PRKG1: variants seen among roughly 807,000 people sequenced by gnomAD.
PRKG1 encodes cGMP-dependent protein kinase 1.
In PRKG1, 35 loss-of-function variants were observed where a neutral mutation model predicts 88.1. The observed-to-expected ratio is 0.40, with a 90% CI of 0.30 to 0.53. PRKG1 has a LOEUF of 0.53. Among genes scored for constraint, PRKG1 ranks in the 20% least tolerant of loss-of-function variants. The probability of loss-of-function intolerance (pLI) is 0.59; values close to 1 mark genes in which losing one functional copy is unlikely to be tolerated. For synonymous variants in PRKG1, 303 were observed against 292.5 expected, an observed-to-expected ratio of 1.04 and a Z score of -0.37; for missense variants, 540 against 839.8, an observed-to-expected ratio of 0.64 and a Z score of 4.41.
At chr10:51,618,509 A>G (rs761175583) in intron 3 of PRKG1, among the ~76,000 whole-genome samples, 21 of 152,156 alleles carry the variant, frequency 1.4e-4, no homozygotes, top group Non-Finnish European at 2.8e-4. Flanking sequence ...TTCACTTAAT[A>G]TATACTAGCC....
At chr10:52,076,166 T>G (rs924321922) in intron 7 of PRKG1, among the ~76,000 whole-genome samples, 2 of 152,164 alleles carry the variant, frequency 1.3e-5, no homozygotes, top group Non-Finnish European at 2.9e-5. Context: ...TGGACCTAAA[T>G]GTGAGATCAA....
chr10:51,813,978 T>A (rs1839521756), intron 4 of PRKG1, among the ~76,000 whole-genome samples: 2 of 152,276 alleles, frequency 1.3e-5, no homozygotes, highest in South Asian at 2.1e-4. Context: ...TTTCAGTTGT[T>A]TGGAAACCCA....
intron 4 of PRKG1, among the ~76,000 whole-genome samples, chr10:51,832,971 T>A (rs1249900577): frequency 6.6e-6 from 1 of 152,180 alleles, no homozygotes; most frequent in Non-Finnish European, 1.5e-5. Flanking sequence ...CTTGCCTGGT[T>A]AATGTCGATT....
intron 5 of PRKG1, among the ~76,000 whole-genome samples, chr10:51,974,133 A>G (rs1843772770): frequency 2.0e-5 from 3 of 152,216 alleles, no homozygotes; most frequent in Admixed American, 2.0e-4. Flanking sequence ...CATTTATGGA[A>G]AAAGTCTACT....
At chr10:51,542,981 A>G (rs1842347371) in intron 3 of PRKG1, among the ~76,000 whole-genome samples, 3 of 152,216 alleles carry the variant, frequency 2.0e-5, no homozygotes, top group Admixed American at 2.0e-4. Context: ...AGTTGATGTC[A>G]AACCCATAAA....
intron 4 of PRKG1, among the ~76,000 whole-genome samples, chr10:51,831,899 A>G (rs899112999): frequency 6.6e-5 from 10 of 151,906 alleles, no homozygotes; most frequent in Admixed American, 6.6e-4. Flanking sequence ...AGAAACTATC[A>G]ATTTTTTGGT....
chr10:51,384,468 C>A (rs1322250697), intron 2 of PRKG1, among the ~76,000 whole-genome samples: 1 of 152,108 alleles, frequency 6.6e-6, no homozygotes, highest in Non-Finnish European at 1.5e-5. Flanking sequence ...CATCACTCAG[C>A]AGTTGTGTGA....
chr10:52,248,580 C>T (rs778640411), intron 9 of PRKG1, among the ~76,000 whole-genome samples: 3 of 152,014 alleles, frequency 2.0e-5, no homozygotes, highest in African/African-American at 7.3e-5. Context: ...ACTAGCAAAG[C>T]GTGATTACAA....
chr10:52,162,472 C>A (rs1388933430), intron 9 of PRKG1, among the ~76,000 whole-genome samples: 2 of 152,064 alleles, frequency 1.3e-5, no homozygotes, highest in Admixed American at 1.3e-4. Flanking sequence ...TTGATTAAAA[C>A]AATGTTTTTT....
intron 2 of PRKG1, among the ~76,000 whole-genome samples, chr10:51,308,819 C>A (rs946986126): frequency 2.6e-5 from 4 of 152,000 alleles, no homozygotes; most frequent in Admixed American, 6.6e-5. Context: ...TCAGATGAGA[C>A]CTCACTGAAC....
chr10:51,649,815 C>G (rs1302358067), intron 3 of PRKG1, among the ~76,000 whole-genome samples: 1 of 152,182 alleles, frequency 6.6e-6, no homozygotes, highest in Non-Finnish European at 1.5e-5. Flanking sequence ...TTCATGCTCA[C>G]CTCATGTAAC....
At chr10:51,840,124 A>G (rs1840233518) in intron 4 of PRKG1, among the ~76,000 whole-genome samples, 1 of 152,162 alleles carries the variant, frequency 6.6e-6, no homozygotes, top group Non-Finnish European at 1.5e-5. Flanking sequence ...TTCTAAAATG[A>G]TGAATTGATA....
chr10:52,141,846 GTT>G (rs746245876), intron 8 of PRKG1, among the ~76,000 whole-genome samples: 1 of 152,036 alleles, frequency 6.6e-6, no homozygotes, highest in Non-Finnish European at 1.5e-5. Flanking sequence ...CTTACCAAGC[GTT>G]TTTTAGAAAA....
intron 5 of PRKG1, among the ~76,000 whole-genome samples, chr10:51,923,159 C>T (rs1439952738): frequency 6.6e-6 from 1 of 151,912 alleles, no homozygotes; most frequent in Non-Finnish European, 1.5e-5. Context: ...CCTCTTTAGT[C>T]CTGATAACTT....
chr10:51,063,779 T>A (rs1389163821), intron 1 of PRKG1, among the ~76,000 whole-genome samples: 1 of 152,192 alleles, frequency 6.6e-6, no homozygotes, highest in Non-Finnish European at 1.5e-5. Context: ...GTTATTTACC[T>A]GTTATTTTTA....
At chr10:51,169,274 C>T (rs1846632396) in intron 2 of PRKG1, among the ~76,000 whole-genome samples, 1 of 152,052 alleles carries the variant, frequency 6.6e-6, no homozygotes, top group African/African-American at 2.4e-5. Context: ...GTGTAGTACT[C>T]TCTGTGTATA....
Position 51,714,778 on chromosome 10 carries a change from C to T in PRKG1, c.593-89807C>T, listed in dbSNP as rs568294085. The stretch of plus-strand genomic sequence containing the variant: ...AGGTATCATTCATTGTTTGTACTCA[C>T]GAAATGCAGGAAACAACCTAAATAT... On this transcript the variant is annotated intron_variant, in intron 3 of 17. Coordinates refer to ENST00000373980, the MANE Select transcript of PRKG1 (RefSeq NM_006258.4). Among the ~76,000 whole-genome samples, 5 of 152,086 alleles carry T rather than the reference C, an allele frequency of 3.3e-5. No individual in the cohort carries two copies. The East Asian group carries it at 5.8e-4, about 18-fold the overall frequency.
intron 9 of PRKG1, among the ~76,000 whole-genome samples, chr10:52,175,933 CTTCTTT>C (rs776363740): frequency 6.6e-6 from 1 of 151,866 alleles, no homozygotes; most frequent in Non-Finnish European, 1.5e-5. Context: ...ATTTTCTCTC[CTTCTTT>C]AAGTTATCTT....
intron 3 of PRKG1, among the ~76,000 whole-genome samples, chr10:51,583,434 T>C (rs913172136): frequency 2.6e-5 from 4 of 152,132 alleles, no homozygotes; most frequent in African/African-American, 4.8e-5. Flanking sequence ...GAAAGCACCA[T>C]CTGCTCTATT....
Sources: gnomAD v4.1 joint callset for allele counts (sites outside exome capture counted in the v4.1 genomes callset) on GRCh38, gnomAD v4.1.1 for gene constraint, MANE v1.5 for transcripts, NCBI Gene and HGNC (gene_info 2026-07-23, HGNC 2026-07-21) for gene names.